RTN4RL1: variants seen among roughly 807,000 people sequenced by gnomAD.
The protein encoded by RTN4RL1 is reticulon-4 receptor-like 1.
RTN4RL1 carries 7 observed loss-of-function variants against 25.6 expected under a neutral mutation model. The ratio of observed to expected loss-of-function variants is 0.27; its 90% CI spans 0.16 to 0.51. The LOEUF is 0.51. Among genes scored for constraint, RTN4RL1 ranks in the 20% least tolerant of loss-of-function variants. The pLI, the probability that RTN4RL1 is intolerant of heterozygous loss-of-function variation, is 0.97. For missense variants in RTN4RL1, 500 were observed against 615.6 expected, an observed-to-expected ratio of 0.81 and a Z score of 1.99; for synonymous variants, 297 against 288.2, an observed-to-expected ratio of 1.03 and a Z score of -0.31.
At chr17:1,948,344 G>T (rs1915601993) in intron 1 of RTN4RL1, among the ~76,000 whole-genome samples, 1 of 152,246 alleles carries the variant, frequency 6.6e-6, no homozygotes, top group African/African-American at 2.4e-5. Flanking sequence ...ATGCAAATTT[G>T]CTCCCAGGTT....
intron 1 of RTN4RL1, among the ~76,000 whole-genome samples, chr17:1,950,312 C>T (rs999422607): frequency 2.0e-5 from 3 of 151,810 alleles, no homozygotes; most frequent in Non-Finnish European, 4.4e-5. Flanking sequence ...AGGGAGGCGA[C>T]GGGGGTCACG....
chr17:1,961,257 C>T (rs1269956403), intron 1 of RTN4RL1, among the ~76,000 whole-genome samples: 2 of 152,008 alleles, frequency 1.3e-5, no homozygotes, highest in Non-Finnish European at 2.9e-5. Context: ...GGAAAAGTCA[C>T]GAAGGGAAGG....
intron 1 of RTN4RL1, among the ~76,000 whole-genome samples, chr17:1,940,665 G>A (rs912019713): frequency 2.6e-5 from 4 of 152,056 alleles, no homozygotes; most frequent in Admixed American, 6.5e-5. Context: ...CTGGGAGGGG[G>A]CCCCAACCCA....
At chr17:1,942,129 C>T (rs1352672752) in intron 1 of RTN4RL1, among the ~76,000 whole-genome samples, 3 of 152,060 alleles carry the variant, frequency 2.0e-5, no homozygotes, top group Non-Finnish European at 2.9e-5. Context: ...AGAGCAAGGC[C>T]GGGCCTCCCC....
Position 1,934,951 on chromosome 17 carries a change from C to T in RTN4RL1, c.*1545G>A, listed in dbSNP as rs1915264484. On this transcript the variant is annotated 3_prime_UTR_variant, in exon 2 of 2. Transcript: ENST00000331238. The surrounding 1 kb of genome is among the most constrained non-coding windows in gnomAD (Gnocchi z 4.0). ...TGCACCCTGAGCATCCCCAGGACGG[C>T]TGGGAGGGCCAGGTCTTCCGTGATG... 2 of 152,388 alleles carry T rather than the reference C, an allele frequency of 1.3e-5. No individual in the cohort carries two copies. The highest frequency in any genetic ancestry group is 4.8e-5 in the African/African-American group (2 of 41,460). The allele number at this position is 152,388 out of a possible 1,614,324, so 9.4% of individuals were successfully genotyped here.
chr17:1,980,492 C>G (rs2066862397), intron 1 of RTN4RL1, among the ~76,000 whole-genome samples: 1 of 152,150 alleles, frequency 6.6e-6, no homozygotes, highest in African/African-American at 2.4e-5. Context: ...AACATGTTCA[C>G]ATGCTAACAG....
At chr17:1,959,883 A>G (rs1915861979) in intron 1 of RTN4RL1, among the ~76,000 whole-genome samples, 1 of 152,102 alleles carries the variant, frequency 6.6e-6, no homozygotes, top group Non-Finnish European at 1.5e-5. Context: ...TTTAAATACC[A>G]TCTTCATAGG....
In RTN4RL1 at chr17:1,936,649, G is replaced by A. The variant is rs1165965575; in HGVS notation, c.1173C>T (p.Asp391=). 3.8e-6 allele frequency: 6 copies of A among 1,592,426 alleles called. No homozygotes were observed. Among genetic ancestry groups the A allele is most frequent in the Non-Finnish European group, 5.1e-6 (6 of 1,170,470 alleles). Residue 391 remains aspartate, a synonymous_variant, in exon 2 of 2, where the codon GAC becomes GAT. Transcript: ENST00000331238. Reference sequence around the variant, plus strand: ...TCTTGGGCCGGGCCGTAGGCATGATGTCAAAACTGAACTTGTGCTGGTAGT... The same window carrying A: ...TCTTGGGCCGGGCCGTAGGCATGATATCAAAACTGAACTTGTGCTGGTAGT... ...APDYQHKFSF[D]IMPTARPKRK...
At chr17:1,975,705 A>C (rs1291046727) in intron 1 of RTN4RL1, among the ~76,000 whole-genome samples, 1 of 152,154 alleles carries the variant, frequency 6.6e-6, no homozygotes, top group Non-Finnish European at 1.5e-5. Flanking sequence ...AAGGGAGATT[A>C]AGCTGCACCG....
intron 1 of RTN4RL1, among the ~76,000 whole-genome samples, chr17:1,959,033 C>T (rs1489789598): frequency 6.6e-6 from 1 of 152,244 alleles, no homozygotes; most frequent in East Asian, 1.9e-4. Context: ...CCTCTCAAAA[C>T]ACGCCGGTGG....
chr17:2,010,505 T>C (rs1014598615), intron 1 of RTN4RL1, among the ~76,000 whole-genome samples: 1 of 151,910 alleles, frequency 6.6e-6, no homozygotes, highest in African/African-American at 2.4e-5. Context: ...TATTGTCTAT[T>C]TCTCCACCCC....
chr17:1,952,939 T>C (rs1333970239), intron 1 of RTN4RL1, among the ~76,000 whole-genome samples: 1 of 151,514 alleles, frequency 6.6e-6, no homozygotes, highest in Non-Finnish European at 1.5e-5. Flanking sequence ...TAGTCGGGTG[T>C]GGTGGCGTGC....
At chr17:1,952,835 G>T (rs1915711948) in intron 1 of RTN4RL1, among the ~76,000 whole-genome samples, 1 of 151,680 alleles carries the variant, frequency 6.6e-6, no homozygotes, top group African/African-American at 2.4e-5. Context: ...CCAGCACTTT[G>T]GGAGGCTGAG....
At chr17:1,951,732 C>T (rs1350969734) in intron 1 of RTN4RL1, among the ~76,000 whole-genome samples, 1 of 151,894 alleles carries the variant, frequency 6.6e-6, no homozygotes, top group Non-Finnish European at 1.5e-5. Flanking sequence ...GGATTACAGG[C>T]GTGAGCCACC....
Position 1,978,362 on chromosome 17 carries a change from G to A in RTN4RL1, c.14-40554C>T, listed in dbSNP as rs2066852398. Among the ~76,000 whole-genome samples the A allele has an allele frequency of 2.6e-5, 4 of 152,380 alleles. No homozygotes were observed. In the South Asian group the frequency reaches 8.3e-4, roughly 32 times the overall value. ...AGGCACCTCCCTCTCCAGGACCTGG[G>A]CTCTGCTTTGGGCCACACATACACC... On this transcript the variant is annotated intron_variant, in intron 1 of 1. Coordinates refer to ENST00000331238, the MANE Select transcript of RTN4RL1 (RefSeq NM_178568.4).
chr17:2,000,780 G>A (rs1324036358), intron 1 of RTN4RL1, among the ~76,000 whole-genome samples: 1 of 151,972 alleles, frequency 6.6e-6, no homozygotes, highest in African/African-American at 2.4e-5. Flanking sequence ...TCAGCCTCCC[G>A]AAGTACGGGG....
At chr17:2,024,739 A>G in intron 1 of RTN4RL1, 114 bp downstream of exon 1, 1 of 1,088,354 alleles carries the variant, frequency 9.2e-7, no homozygotes, top group Non-Finnish European at 1.3e-6. Context: ...AAAACCCACC[A>G]GCCCGCCGGG....
chr17:1,956,748 T>G lies in RTN4RL1; in HGVS notation c.14-18940A>C, dbSNP rs867172073. Among the ~76,000 whole-genome samples, 868 of 151,280 alleles carry G rather than the reference T, an allele frequency of 5.7e-3. 9 individuals are homozygous for G. Among genetic ancestry groups the G allele is most frequent in the Middle Eastern group, 0.021 (6 of 292 alleles). Reference sequence around the variant, plus strand: ...CATACCTGTCGGGAACTTTTTTTTTTTTTTTTTTTTTTAAGATGGAGTCTC... The same window carrying G: ...CATACCTGTCGGGAACTTTTTTTTTGTTTTTTTTTTTTAAGATGGAGTCTC... On this transcript the variant is annotated intron_variant, in intron 1 of 1. Transcript: ENST00000331238.
At chr17:1,951,003 C>T (rs935017635) in intron 1 of RTN4RL1, among the ~76,000 whole-genome samples, 5 of 152,084 alleles carry the variant, frequency 3.3e-5, no homozygotes, top group East Asian at 1.9e-4. Context: ...CGGTGGCTCA[C>T]GCCTGTAATC....
Sources: gnomAD v4.1 joint callset for allele counts (sites outside exome capture counted in the v4.1 genomes callset) on GRCh38, gnomAD v4.1.1 for gene constraint, Gnocchi (gnomAD v3.1) non-coding constraint, MANE v1.5 for transcripts, NCBI Gene and HGNC (gene_info 2026-07-23, HGNC 2026-07-21) for gene names.